Variants in CNTNAP3 observed in about 807,000 individuals in gnomAD.
CNTNAP3 encodes contactin associated protein family member 3, also known as contactin-associated protein-like 3.
A neutral mutation model predicts 92.1 loss-of-function variants in CNTNAP3; 36 were observed. The ratio of observed to expected loss-of-function variants is 0.39; its 90% CI spans 0.30 to 0.52. CNTNAP3 has a LOEUF of 0.52. Among genes scored for constraint, CNTNAP3 ranks in the 20% least tolerant of loss-of-function variants. The pLI, the probability that CNTNAP3 is intolerant of heterozygous loss-of-function variation, is 0.76. For synonymous variants in CNTNAP3, 232 were observed against 422.3 expected, an observed-to-expected ratio of 0.55 and a Z score of 5.53; for missense variants, 534 against 1,069.6, an observed-to-expected ratio of 0.50 and a Z score of 6.98.
rs1196441529 is a variant in CNTNAP3 at position 39,248,545 on chromosome 9, A to AT, written c.197-9360dup. Among the ~76,000 whole-genome samples the AT allele has an allele frequency of 3.2e-3, 127 of 40,242 alleles. 3 individuals are homozygous for AT. Among genetic ancestry groups the AT allele is most frequent in the Non-Finnish European group, 5.1e-3 (98 of 19,240 alleles). 26.4% of individuals were successfully genotyped at this position (40,242 alleles called of 152,430 possible). On this transcript the variant is annotated intron_variant, in intron 2 of 23. Transcript: ENST00000297668. ...TATGAATATATATATATATATATAA[A>AT]TTTTTTTTTACATTTTTTACATTTT... is the stretch of plus-strand genomic sequence containing the variant.
In CNTNAP3 at chr9:39,067,128, A is replaced by G. The variant is rs1825525710; in HGVS notation, c.*6762T>C. Among the ~76,000 whole-genome samples, 2 of 152,292 alleles carry G rather than the reference A, an allele frequency of 1.3e-5. No homozygotes were observed. Among genetic ancestry groups the G allele is most frequent in the Admixed American group, 1.3e-4 (2 of 15,288 alleles). ...TTAATATTTTCTTCTGAAAACTCTCATCTGCCATTAATTACATCCATTGTA... is the reference window on the plus strand; with the variant it reads ...TTAATATTTTCTTCTGAAAACTCTCGTCTGCCATTAATTACATCCATTGTA... On this transcript the variant is annotated 3_prime_UTR_variant, in exon 24 of 24. Coordinates refer to ENST00000297668, the MANE Select transcript of CNTNAP3 (RefSeq NM_033655.5).
chr9:39,108,316 G>T (rs1472183711), intron 15 of CNTNAP3, among the ~76,000 whole-genome samples: 2 of 151,650 alleles, frequency 1.3e-5, no homozygotes, highest in African/African-American at 4.9e-5. Context: ...TAGTGATGTT[G>T]TGTTCTCTTT....
chr9:39,111,413 T>C (rs999282632), intron 14 of CNTNAP3, among the ~76,000 whole-genome samples: 64 of 152,310 alleles, frequency 4.2e-4, no homozygotes, highest in African/African-American at 1.5e-3. Flanking sequence ...ATACACTTAA[T>C]GGTAAAGAAA....
chr9:39,096,779 A>G (rs1355053056), intron 18 of CNTNAP3, among the ~76,000 whole-genome samples: 1 of 151,624 alleles, frequency 6.6e-6, no homozygotes, highest in Admixed American at 6.6e-5. Context: ...CCTTGTATAT[A>G]TGATTTTTCT....
chr9:39,093,138 G>A (rs1826246980), intron 18 of CNTNAP3, among the ~76,000 whole-genome samples: 1 of 91,120 alleles, frequency 1.1e-5, no homozygotes, highest in Non-Finnish European at 2.4e-5. Flanking sequence ...ATATAGTTAA[G>A]ATTTCTTTTG....
chr9:39,149,706 A>G, intron 10 of CNTNAP3, 100 bp downstream of exon 10: 1 of 708,082 alleles, frequency 1.4e-6, no homozygotes, highest in South Asian at 1.9e-5. Context: ...AAAGATAACA[A>G]CAACAAAAAA....
intron 18 of CNTNAP3, among the ~76,000 whole-genome samples, chr9:39,099,246 G>A (rs1826395780): frequency 6.6e-6 from 1 of 152,044 alleles, no homozygotes; most frequent in Admixed American, 6.6e-5. Flanking sequence ...GAGCCACCAC[G>A]CCCAGCCCTT....
chr9:39,083,716 A>G (rs1399877770), intron 21 of CNTNAP3, among the ~76,000 whole-genome samples: 1 of 152,008 alleles, frequency 6.6e-6, no homozygotes, highest in Non-Finnish European at 1.5e-5. Flanking sequence ...AAAGAATACA[A>G]TAATACCAAA....
rs1229047407 is a variant in CNTNAP3, at chr9:39,068,346, G to T, written c.*5544C>A. Among the ~76,000 whole-genome samples, 2 of 152,308 alleles carry T rather than the reference G, an allele frequency of 1.3e-5. No individual in the cohort carries two copies. The highest frequency in any genetic ancestry group is 2.9e-5 in the Non-Finnish European group (2 of 68,054). ...CAGGAGAATGGCATGAACCCTGGAG[G>T]CGGAGCTTGCAGTGAGCCAGGATCG... On this transcript the variant is annotated 3_prime_UTR_variant, in exon 24 of 24. Coordinates refer to ENST00000297668, the MANE Select transcript of CNTNAP3 (RefSeq NM_033655.5).
chr9:39,132,429 G>C (rs1274126632), intron 13 of CNTNAP3, among the ~76,000 whole-genome samples: 1 of 152,056 alleles, frequency 6.6e-6, no homozygotes, highest in Non-Finnish European at 1.5e-5. Flanking sequence ...ACTGACAAAA[G>C]GTTTTAATAA....
intron 12 of CNTNAP3, among the ~76,000 whole-genome samples, chr9:39,136,765 G>T (rs1467490873): frequency 6.6e-6 from 1 of 151,940 alleles, no homozygotes. Flanking sequence ...GCCAGGCATG[G>T]TGTCACATGC....
intron 21 of CNTNAP3, among the ~76,000 whole-genome samples, chr9:39,082,537 A>G (rs1323114272): frequency 6.6e-6 from 1 of 152,276 alleles, no homozygotes; most frequent in Non-Finnish European, 1.5e-5. Context: ...TGTAATGTTG[A>G]AAGAGGCAAT....
chr9:39,103,104 C>T (rs1826505208), intron 16 of CNTNAP3, among the ~76,000 whole-genome samples: 1 of 152,160 alleles, frequency 6.6e-6, no homozygotes, highest in Non-Finnish European at 1.5e-5. Flanking sequence ...TAAATTTTGA[C>T]AGTCATAAAT....
intron 10 of CNTNAP3, among the ~76,000 whole-genome samples, chr9:39,147,504 G>C (rs1222264554): frequency 6.6e-6 from 1 of 152,080 alleles, no homozygotes; most frequent in Non-Finnish European, 1.5e-5. Context: ...AGTCTTCTAC[G>C]TTACTGACTT....
At chr9:39,091,520 A>G (rs2118443137) in intron 18 of CNTNAP3, among the ~76,000 whole-genome samples, 1 of 152,228 alleles carries the variant, frequency 6.6e-6, no homozygotes, top group South Asian at 2.1e-4. Context: ...AGCTGTTAAA[A>G]CAACTTTCCA....
At chr9:39,084,194 G>GTTTTTTTT (rs201621606) in intron 21 of CNTNAP3, among the ~76,000 whole-genome samples, 10 of 116,904 alleles carry the variant, frequency 8.6e-5, no homozygotes, top group African/African-American at 2.9e-4. Flanking sequence ...TGCTCACCAA[G>GTTTTTTTT]TTTTTTTTTT....
rs1825556559 is a variant in CNTNAP3, at chr9:39,068,298, C to A, written c.*5592G>T. On this transcript the variant is annotated 3_prime_UTR_variant, in exon 24 of 24. Coordinates refer to ENST00000297668, the MANE Select transcript of CNTNAP3 (RefSeq NM_033655.5). The stretch of plus-strand genomic sequence containing the variant: ...GGGCATGTTGGCTTGTGCCTGTAGT[C>A]CCAGCTACTCGGGAGGCTGAGGCAG... 2.0e-5 allele frequency among the ~76,000 whole-genome samples: 3 copies of A among 152,300 alleles called. No individual in the cohort carries two copies. The South Asian group carries it at 6.2e-4, about 32-fold the overall frequency.
intron 12 of CNTNAP3, among the ~76,000 whole-genome samples, chr9:39,136,287 A>G (rs760562365): frequency 2.9e-4 from 44 of 152,238 alleles, no homozygotes; most frequent in East Asian, 3.9e-4. Context: ...TACTTAGTAT[A>G]TCATATGAAA....
chr9:39,087,819 T>C (rs1201677017), intron 19 of CNTNAP3, among the ~76,000 whole-genome samples: 1 of 152,144 alleles, frequency 6.6e-6, no homozygotes, highest in Non-Finnish European at 1.5e-5. Context: ...TTTCTAGGCA[T>C]GAAATTTTTG....
Sources: gnomAD v4.1 joint callset for allele counts (sites outside exome capture counted in the v4.1 genomes callset) on GRCh38, gnomAD v4.1.1 for gene constraint, MANE v1.5 for transcripts, NCBI Gene and HGNC (gene_info 2026-07-23, HGNC 2026-07-21) for gene names.